ANKRD45: variants seen among roughly 807,000 people sequenced by gnomAD.
ANKRD45 encodes the protein ankyrin repeat domain-containing protein 45.
Under a neutral mutation model 28.1 loss-of-function variants are expected in ANKRD45, and 21 were observed. The ratio of observed to expected loss-of-function variants is 0.75; its 90% CI spans 0.53 to 1.08. ANKRD45 has a LOEUF of 1.08. Among genes scored for constraint, ANKRD45 ranks in the 50% least tolerant of loss-of-function variants. The pLI is 0.00. For missense variants in ANKRD45, 261 were observed against 308.7 expected (o/e 0.85, Z 1.16); for synonymous variants, 86 against 103.9 (o/e 0.83, Z 1.05).
chr1:173,684,445 G>T, the ANKRD45 span, among the ~76,000 whole-genome samples: 1 of 152,084 alleles, frequency 6.6e-6, no homozygotes, highest in Non-Finnish European at 1.5e-5. Context: ...TTAATTAAGT[G>T]CTGTTTCAAT....
chr1:173,639,509 CA>C (rs752484361), intron 3 of ANKRD45, among the ~76,000 whole-genome samples: 13 of 152,254 alleles, frequency 8.5e-5, no homozygotes, highest in Non-Finnish European at 1.6e-4. Flanking sequence ...ACTACCAGAT[CA>C]AAGGGAGATG....
At chr1:173,704,090 T>TC in the ANKRD45 span, among the ~76,000 whole-genome samples, 1 of 152,186 alleles carries the variant, frequency 6.6e-6, no homozygotes, top group Non-Finnish European at 1.5e-5. Context: ...TTGAAAGGGC[T>TC]CATGTCCCGC....
At chr1:173,680,235 C>A in the ANKRD45 span, among the ~76,000 whole-genome samples, 2 of 152,162 alleles carry the variant, frequency 1.3e-5, no homozygotes, top group African/African-American at 4.8e-5. Flanking sequence ...AAGACACATG[C>A]ACACGTGTGT....
intron 3 of ANKRD45, among the ~76,000 whole-genome samples, chr1:173,628,845 G>T (rs887602576): frequency 3.9e-5 from 6 of 152,178 alleles, no homozygotes; most frequent in Admixed American, 1.3e-4. Context: ...TGCCATGCTG[G>T]CTTCAGGTCT....
chr1:173,695,751 T>C, the ANKRD45 span, among the ~76,000 whole-genome samples: 1 of 152,200 alleles, frequency 6.6e-6, no homozygotes, highest in Non-Finnish European at 1.5e-5. Flanking sequence ...ATGGCAGTTC[T>C]GTTTTAGGTC....
At chr1:173,639,957 G>A (rs1445633214) in intron 3 of ANKRD45, among the ~76,000 whole-genome samples, 1 of 152,150 alleles carries the variant, frequency 6.6e-6, no homozygotes, top group Non-Finnish European at 1.5e-5. Flanking sequence ...TTAGATGGGA[G>A]TATCATACCC....
intron 5 of ANKRD45, among the ~76,000 whole-genome samples, chr1:173,620,501 G>C (rs1334924338): frequency 6.6e-6 from 1 of 152,140 alleles, no homozygotes; most frequent in Non-Finnish European, 1.5e-5. Flanking sequence ...CAAAAAGCTG[G>C]AAAGACCTCA....
chr1:173,639,396 T>A (rs1668605555), intron 3 of ANKRD45, among the ~76,000 whole-genome samples: 1 of 152,172 alleles, frequency 6.6e-6, no homozygotes, highest in Admixed American at 6.5e-5. Flanking sequence ...TTCACTTAAC[T>A]CCTTGCCTTC....
chr1:173,672,988 A>G (rs1670305690), upstream of ANKRD45, among the ~76,000 whole-genome samples: 1 of 152,206 alleles, frequency 6.6e-6, no homozygotes, highest in Non-Finnish European at 1.5e-5. Context: ...CCCAGAAATT[A>G]GATCCCCTCC....
At chr1:173,698,124 C>CAT in the ANKRD45 span, among the ~76,000 whole-genome samples, 1 of 151,946 alleles carries the variant, frequency 6.6e-6, no homozygotes, top group Non-Finnish European at 1.5e-5. Flanking sequence ...CTATTCTATA[C>CAT]ATATATATCT....
intron 2 of ANKRD45, among the ~76,000 whole-genome samples, chr1:173,655,604 C>T (rs943742349): frequency 4.6e-5 from 7 of 152,204 alleles, no homozygotes; most frequent in South Asian, 2.1e-4. Context: ...AGAGCTCAGA[C>T]GCCATGCTGG....
intron 2 of ANKRD45, among the ~76,000 whole-genome samples, chr1:173,653,922 C>CTTT (rs1185149394): frequency 5.0e-5 from 5 of 100,318 alleles, no homozygotes; most frequent in East Asian, 2.8e-4. Context: ...GCAACCCTTG[C>CTTT]TTTTTTTTTT....
chr1:173,617,332 G>A (rs1200228689), intron 5 of ANKRD45, among the ~76,000 whole-genome samples: 1 of 152,212 alleles, frequency 6.6e-6, no homozygotes, highest in Non-Finnish European at 1.5e-5. Flanking sequence ...TGGAATTCCT[G>A]CCAGACAGCG....
chr1:173,691,486 C>T, the ANKRD45 span, among the ~76,000 whole-genome samples: 4 of 152,178 alleles, frequency 2.6e-5, no homozygotes, highest in Admixed American at 6.5e-5. Flanking sequence ...TCAGCAAGGC[C>T]AGGTACTTCT....
At chr1:173,612,670 CG>C (rs1172027817) in intron 5 of ANKRD45, 2 of 154,642 alleles carry the variant, frequency 1.3e-5, no homozygotes, top group African/African-American at 4.8e-5. Flanking sequence ...GCTGCCATCT[CG>C]GCTCACTGCA....
intron 3 of ANKRD45, among the ~76,000 whole-genome samples, chr1:173,644,351 T>G (rs1282762971): frequency 2.0e-5 from 3 of 152,184 alleles, no homozygotes; most frequent in Non-Finnish European, 2.9e-5. Context: ...AAACAAATAG[T>G]AAGGCTGAAT....
At chr1:173,706,714 T>C in the ANKRD45 span, among the ~76,000 whole-genome samples, 1 of 152,196 alleles carries the variant, frequency 6.6e-6, no homozygotes, top group East Asian at 1.9e-4. Context: ...AGCCCCCTAA[T>C]AAGAGTCTTT....
chr1:173,612,862 G>C, intron 5 of ANKRD45: 1 of 171,090 alleles, frequency 5.8e-6, no homozygotes, highest in Non-Finnish European at 1.2e-5. Context: ...TGAGGTGCCG[G>C]GATTGCAGAC....
At chr1:173,657,212 A>G (rs1669564056) in intron 2 of ANKRD45, 1 of 176,024 alleles carries the variant, frequency 5.7e-6, no homozygotes, top group Non-Finnish European at 1.3e-5. Context: ...CACACCTATA[A>G]TCCCAGCACT....
Sources: allele counts gnomAD v4.1 joint callset (sites outside exome capture counted in the v4.1 genomes callset), GRCh38; gene constraint gnomAD v4.1.1; transcripts MANE v1.5; gene names NCBI Gene and HGNC (gene_info 2026-07-23, HGNC 2026-07-21).